VPS33B: variants seen among roughly 807,000 people sequenced by gnomAD.
VPS33B encodes vacuolar protein sorting-associated protein 33B.
In VPS33B, 80 loss-of-function variants were observed where a neutral mutation model predicts 95.3. The ratio of observed to expected loss-of-function variants is 0.84; its 90% CI spans 0.70 to 1.01. The LOEUF (loss-of-function observed/expected upper bound fraction) is 1.01, where lower values mean the gene tolerates loss of function less well. Ranked by LOEUF, VPS33B falls within the 50% of genes least tolerant of loss-of-function variation. The probability of loss-of-function intolerance (pLI) is 0.00; values close to 1 mark genes in which losing one functional copy is unlikely to be tolerated. For missense variants in VPS33B, 715 were observed against 773.4 expected (o/e 0.92, Z 0.90); for synonymous variants, 280 against 280.4 (o/e 1.00, Z 0.01).
At position 91,005,652 on chromosome 15, in the gene VPS33B, G is replaced by A; in HGVS notation, c.1030+42C>T. 1.2e-6 allele frequency: 2 copies of A among 1,610,588 alleles called. No individual in the cohort carries two copies. The highest frequency in any genetic ancestry group is 1.7e-6 in the Non-Finnish European group (2 of 1,176,796). On this transcript the variant is annotated intron_variant, in intron 13 of 22. Coordinates refer to ENST00000333371, the MANE Select transcript of VPS33B (RefSeq NM_018668.5). This position sits in a 1 kb window ranked among gnomAD's most constrained non-coding sequence, Gnocchi z 6.4. ...GGTCCTCTGGAGCTTTCCCCAGAGG[G>A]ACACAGTCACTTCCCCTCACGCCCC...
chr15:91,004,825 T>A, intron 16 of VPS33B, 52 bp downstream of exon 16: 1 of 1,603,208 alleles, frequency 6.2e-7, no homozygotes. Flanking sequence ...CTTCTGTCCC[T>A]AAGGCATAGT....
In VPS33B at chr15:91,015,107, G is replaced by A. The variant is rs931109363; in HGVS notation, c.240-674C>T. ...TCCCAGCACTTTGGGAGGCAGAGGC[G>A]GGTGGATCACCTGAGGTCAGGAGTT... On this transcript the variant is annotated intron_variant, in intron 3 of 22. Transcript: ENST00000333371. The surrounding 1 kb of genome is among the most constrained non-coding windows in gnomAD (Gnocchi z 4.7). 5.9e-5 allele frequency among the ~76,000 whole-genome samples: 9 copies of A among 151,428 alleles called. No homozygotes were observed. Among genetic ancestry groups the A allele is most frequent in the Admixed American group, 5.3e-4 (8 of 15,220 alleles).
At chr15:91,014,192 C>G (rs1317289355) in intron 4 of VPS33B, among the ~76,000 whole-genome samples, 192 bp downstream of exon 4, 1 of 135,560 alleles carries the variant, frequency 7.4e-6, no homozygotes, top group African/African-American at 2.9e-5. Flanking sequence ...GCACTCCAGA[C>G]TGGGCAACAA....
At position 91,004,990 on chromosome 15, in the gene VPS33B, T is replaced by A; in HGVS notation, c.1171-59A>T. ...GCTTCACAACACGTGTTCTTTTCCT[T>A]CTGCTTAAGGCCGACCCCACCTCTA... On this transcript the variant is annotated intron_variant, in intron 15 of 22. Transcript: ENST00000333371. The A allele has an allele frequency of 3.1e-6, 5 of 1,614,196 alleles. No individual in the cohort carries two copies. In the South Asian group the frequency reaches 5.5e-5, roughly 18 times the overall value.
In VPS33B at chr15:91,010,592, C is replaced by T. The variant is rs1939012582; in HGVS notation, c.358-746G>A. Among the ~76,000 whole-genome samples, 1 of 151,934 alleles carries T rather than the reference C, an allele frequency of 6.6e-6. No homozygotes were observed. The highest frequency in any genetic ancestry group is 2.1e-4 in the South Asian group (1 of 4,824). On this transcript the variant is annotated intron_variant, in intron 5 of 22. Transcript: ENST00000333371. The surrounding 1 kb of genome is among the most constrained non-coding windows in gnomAD (Gnocchi z 5.7). ...CTCCAGCCTGGGCAACAGAGTGAGGCCCTGTCTCAAATAAATAAATAAAGT... is the reference window on the plus strand; with the variant it reads ...CTCCAGCCTGGGCAACAGAGTGAGGTCCTGTCTCAAATAAATAAATAAAGT...
Position 91,006,377 on chromosome 15 carries a change from C to G in VPS33B, c.847G>C (p.Asp283His), listed in dbSNP as rs1474013238. The change falls in exon 11 of 23, where the codon GAC becomes CAC. Residue 283 changes from aspartate (D) to histidine (H), a missense_variant. Transcript: ENST00000333371. This position sits in a 1 kb window ranked among gnomAD's most constrained non-coding sequence, Gnocchi z 5.4. ...KSLKVLLNAE[D>H]KVFNEIRNEH... ...GCTAGCACCCACACCCTCACCTTGT[C>G]CTCGGCATTGAGTAGCACCTTCAGG... is the stretch of plus-strand genomic sequence containing the variant. The G allele has an allele frequency of 6.2e-7, 1 of 1,614,110 alleles. No homozygotes were observed. The highest frequency in any genetic ancestry group is 8.5e-7 in the Non-Finnish European group (1 of 1,180,056).
chr15:91,009,727 G>A lies in VPS33B; in HGVS notation c.403+74C>T. 1 of 1,521,486 alleles carries A rather than the reference G, an allele frequency of 6.6e-7. No homozygotes were observed. The highest frequency in any genetic ancestry group is 9.0e-7 in the Non-Finnish European group (1 of 1,107,484). The allele number at this position is 1,521,486 out of a possible 1,614,324, so 94.2% of individuals were successfully genotyped here. A position where few individuals can be genotyped will look rare whatever the true frequency, so the allele number is the denominator to read the frequency against. The stretch of plus-strand genomic sequence containing the variant: ...AGCTGGTGGTGGGGGTGGGGTGGGG[G>A]GGTTGGAGAACAACAACAGTTTTTT... On this transcript the variant is annotated intron_variant, in intron 6 of 22. Coordinates refer to ENST00000333371, the MANE Select transcript of VPS33B (RefSeq NM_018668.5). This position sits in a 1 kb window ranked among gnomAD's most constrained non-coding sequence, Gnocchi z 4.1.
Position 90,999,031 on chromosome 15 carries a change from T to G in VPS33B, c.1798A>C (p.Thr600Pro), listed in dbSNP as rs1423287110. The G allele has an allele frequency of 6.2e-7, 1 of 1,614,042 alleles. No homozygotes were observed. Among genetic ancestry groups the G allele is most frequent in the African/African-American group, 1.3e-5 (1 of 74,928 alleles). The part of the protein sequence containing the change: ...EKGYRFIFLT[T>P]AVTNSARLME... ...AGGCGAGCGCTGTTTGTGACTGCTGTCGTCAGGAAAATGAACCTGTAGCCT... is the reference window on the plus strand; with the variant it reads ...AGGCGAGCGCTGTTTGTGACTGCTGGCGTCAGGAAAATGAACCTGTAGCCT... The change falls in exon 23 of 23, where the codon ACA becomes CCA. Residue 600 changes from threonine (T) to proline (P), a missense_variant. Physicochemically the swap from Thr to Pro is conservative, Grantham distance 38. Coordinates refer to ENST00000333371, the MANE Select transcript of VPS33B (RefSeq NM_018668.5). The surrounding 1 kb of genome is among the most constrained non-coding windows in gnomAD (Gnocchi z 5.1).
At position 91,000,058 on chromosome 15, in the gene VPS33B, AT is replaced by A; in HGVS notation, c.1582-84del. 6.4e-7 allele frequency: 1 copy of A among 1,552,822 alleles called. No homozygotes were observed. The highest frequency in any genetic ancestry group is 8.8e-7 in the Non-Finnish European group (1 of 1,132,310). On this transcript the variant is annotated intron_variant, in intron 20 of 22. Transcript: ENST00000333371. The surrounding 1 kb of genome is among the most constrained non-coding windows in gnomAD (Gnocchi z 4.9). The stretch of plus-strand genomic sequence containing the variant: ...AAGGGCACAGCAGCCAGACTGTCAC[AT>A]TTCTTGCTCATTACTCAAGTAGCAA...
At chr15:91,008,553 C>T (rs1216398556) in intron 6 of VPS33B, among the ~76,000 whole-genome samples, 1 of 152,174 alleles carries the variant, frequency 6.6e-6, no homozygotes, top group Admixed American at 6.5e-5. Context: ...GTGTGAGCCA[C>T]CACGCCCAGC....
rs2040947161 is a variant in VPS33B at position 91,016,992 on chromosome 15, C to T, written c.210G>A (p.Glu70=). ...QHEVDKLYKV[E]NKPALSSNEQ... ...CATTGGAGCTGAGGGCTGGCTTGTT[C>T]TCCACCTTGTATAGCTTGTCTACTT... Residue 70 remains glutamate (E), a synonymous_variant, in exon 3 of 23, where the codon GAG becomes GAA. Transcript: ENST00000333371. 1 of 1,614,012 alleles carries T rather than the reference C, an allele frequency of 6.2e-7. No individual in the cohort carries two copies. Among genetic ancestry groups the T allele is most frequent in the Non-Finnish European group, 8.5e-7 (1 of 1,179,988 alleles).
rs772473821 is a variant in VPS33B, at chr15:91,007,933, C to T, written c.435G>A (p.Leu145=). 3 of 1,614,174 alleles carry T rather than the reference C, an allele frequency of 1.9e-6. No individual in the cohort carries two copies. The highest frequency in any genetic ancestry group is 2.5e-6 in the Non-Finnish European group (3 of 1,180,026). Residue 145 remains leucine (L), a synonymous_variant, in exon 7 of 23, where the codon TTG becomes TTA. Coordinates refer to ENST00000333371, the MANE Select transcript of VPS33B (RefSeq NM_018668.5). This position sits in a 1 kb window ranked among gnomAD's most constrained non-coding sequence, Gnocchi z 5.3. ...DVSCDEWAFS[L]LPLDVDLLSM... ...TCAGCAGATCCACATCAAGAGGCAG[C>T]AAAGAGAAGGCCCATTCATCACAGC... is the stretch of plus-strand genomic sequence containing the variant.
At chr15:91,012,155 T>C (rs2040801582) in intron 5 of VPS33B, among the ~76,000 whole-genome samples, 1 of 152,188 alleles carries the variant, frequency 6.6e-6, no homozygotes. Context: ...TACCTATAAT[T>C]CTGAGTGGTT....
rs1175218610 is a variant in VPS33B at position 90,998,796 on chromosome 15, C to T, written c.*179G>A. 8.3e-6 allele frequency: 6 copies of T among 725,990 alleles called. No homozygotes were observed. In the East Asian group the frequency reaches 1.1e-4, roughly 13 times the overall value. The allele number at this position is 725,990 out of a possible 1,614,324, so 45.0% of individuals were successfully genotyped here. ...TTCATAAACAGAAAAGAGAAATATC[C>T]TGGGAGCAGGAAGTGAACTCTTTTC... is the stretch of plus-strand genomic sequence containing the variant. On this transcript the variant is annotated 3_prime_UTR_variant, in exon 23 of 23. Transcript: ENST00000333371. This position sits in a 1 kb window ranked among gnomAD's most constrained non-coding sequence, Gnocchi z 4.8.
Position 91,007,134 on chromosome 15 carries a change from C to T in VPS33B, c.604-88G>A. 7.2e-7 allele frequency: 1 copy of T among 1,392,628 alleles called. No individual in the cohort carries two copies. The highest frequency in any genetic ancestry group is 1.4e-5 in the African/African-American group (1 of 70,516). The allele number at this position is 1,392,628 out of a possible 1,614,324, so 86.3% of individuals were successfully genotyped here. ...AGAAGTCAGCCCTTTCCACGTGATA[C>T]TTCCTCTTGTCCCCGAGACAGGAGC... On this transcript the variant is annotated intron_variant, in intron 8 of 22. Transcript: ENST00000333371. This position sits in a 1 kb window ranked among gnomAD's most constrained non-coding sequence, Gnocchi z 5.3.
At position 91,003,137 on chromosome 15, in the gene VPS33B, A is replaced by C. The variant is rs1029221043; in HGVS notation, c.1226-6T>G. On this transcript the variant is annotated splice_region_variant and splice_polypyrimidine_tract_variant and intron_variant, in intron 16 of 22. Transcript: ENST00000333371. ...GTAATCCTTGGGGATCAAACCTAAGAGTGAAGAAAATAAGACAGGTGCATG... is the reference window on the plus strand; with the variant it reads ...GTAATCCTTGGGGATCAAACCTAAGCGTGAAGAAAATAAGACAGGTGCATG... The C allele has an allele frequency of 3.7e-6, 6 of 1,614,166 alleles. No homozygotes were observed. The highest frequency in any genetic ancestry group is 1.6e-4 in the Middle Eastern group (1 of 6,062).
chr15:90,999,174 G>T lies in VPS33B; in HGVS notation c.1775-120C>A. On this transcript the variant is annotated intron_variant, in intron 22 of 22. Coordinates refer to ENST00000333371, the MANE Select transcript of VPS33B (RefSeq NM_018668.5). This position sits in a 1 kb window ranked among gnomAD's most constrained non-coding sequence, Gnocchi z 5.1. ...ATCACAGCACCAGTTTATAGACAGA[G>T]ACGTGAGTGCCATGCTCTTGGGCAC... 1.1e-6 allele frequency: 1 copy of T among 897,198 alleles called. No homozygotes were observed. Among genetic ancestry groups the T allele is most frequent in the Non-Finnish European group, 1.8e-6 (1 of 552,648 alleles). The allele number at this position is 897,198 out of a possible 1,614,324, so 55.6% of individuals were successfully genotyped here. A position where few individuals can be genotyped will look rare whatever the true frequency, so the allele number is the denominator to read the frequency against.
At position 91,013,750 on chromosome 15, in the gene VPS33B, C is replaced by A. The variant is rs1174091153; in HGVS notation, c.357+54G>T. ...AGTGCTGTTGGCCCCTTACCCCTGC[C>A]CGGTCCTCAGTCCTGTTCTACCTTA... On this transcript the variant is annotated intron_variant, in intron 5 of 22. Coordinates refer to ENST00000333371, the MANE Select transcript of VPS33B (RefSeq NM_018668.5). This position sits in a 1 kb window ranked among gnomAD's most constrained non-coding sequence, Gnocchi z 4.5. The A allele has an allele frequency of 1.2e-6, 2 of 1,604,030 alleles. No individual in the cohort carries two copies. Among genetic ancestry groups the A allele is most frequent in the African/African-American group, 2.7e-5 (2 of 74,670 alleles).
rs375366459 is a variant in VPS33B, at chr15:91,007,849, C to T, written c.498+21G>A. 194 of 1,610,938 alleles carry T rather than the reference C, an allele frequency of 1.2e-4. 1 individual carries two copies. The highest frequency in any genetic ancestry group is 2.8e-4 in the Admixed American group (17 of 60,028). On this transcript the variant is annotated intron_variant, in intron 7 of 22. Transcript: ENST00000333371. The surrounding 1 kb of genome is among the most constrained non-coding windows in gnomAD (Gnocchi z 5.3). ...TTGTCCCCATCCCCTGATGCCAAGA[C>T]ACAAGGGCCTCTGCATTTACCAGAA... is the stretch of plus-strand genomic sequence containing the variant.
Sources: gnomAD v4.1 joint callset for allele counts (sites outside exome capture counted in the v4.1 genomes callset) on GRCh38, gnomAD v4.1.1 for gene constraint, Gnocchi (gnomAD v3.1) non-coding constraint, MANE v1.5 for transcripts, NCBI Gene and HGNC (gene_info 2026-07-23, HGNC 2026-07-21) for gene names.